CDADC1: variants seen among roughly 807,000 people sequenced by gnomAD.
The protein encoded by CDADC1 is cytidine and dCMP deaminase domain containing 1, also known as dCTP deaminase.
A neutral mutation model predicts 54.9 loss-of-function variants in CDADC1; 39 were observed. The ratio of observed to expected loss-of-function variants is 0.71; its 90% CI spans 0.55 to 0.93. The LOEUF (loss-of-function observed/expected upper bound fraction) is 0.93, where lower values mean the gene tolerates loss of function less well. Ranked by LOEUF, CDADC1 falls within the 40% of genes least tolerant of loss-of-function variation. CDADC1 has a pLI of 0.00. For missense variants in CDADC1, 518 were observed against 618.8 expected (o/e 0.84, Z 1.73); for synonymous variants, 186 against 204.0 (o/e 0.91, Z 0.75).
chr13:49,247,933 G>T lies in CDADC1; in HGVS notation c.-105G>T. The T allele has an allele frequency of 3.0e-6, 3 of 1,007,474 alleles. No individual in the cohort carries two copies. The highest frequency in any genetic ancestry group is 5.2e-5 in the East Asian group (2 of 38,118). 62.4% of individuals were successfully genotyped at this position (1,007,474 alleles called of 1,614,324 possible). On this transcript the variant is annotated 5_prime_UTR_variant, in exon 1 of 10. Coordinates refer to ENST00000251108, the MANE Select transcript of CDADC1 (RefSeq NM_030911.4). ...GTCATCTGGCTGCGCCTAGTGGGCC[G>T]TTGCCTTACAGTTGCTGAGAGGAGG...
At chr13:49,281,886 G>A (rs1458838403) in intron 8 of CDADC1, among the ~76,000 whole-genome samples, 1 of 151,424 alleles carries the variant, frequency 6.6e-6, no homozygotes, top group Non-Finnish European at 1.5e-5. Flanking sequence ...TCAGCCTCCC[G>A]GGTTCCAGCG....
chr13:49,263,297 T>C (rs940249513), intron 4 of CDADC1, among the ~76,000 whole-genome samples: 1 of 152,226 alleles, frequency 6.6e-6, no homozygotes, highest in Non-Finnish European at 1.5e-5. Context: ...ATATTCTCTA[T>C]TATGAGCCTG....
intron 4 of CDADC1, among the ~76,000 whole-genome samples, 190 bp from the exon 5 acceptor site, chr13:49,267,300 C>T (rs574622110): frequency 6.6e-6 from 1 of 152,128 alleles, no homozygotes; most frequent in Non-Finnish European, 1.5e-5. Context: ...TGTACAAAGA[C>T]TGGCAGTGGA....
chr13:49,287,206 AACAGT>A (rs761530210), intron 9 of CDADC1, among the ~76,000 whole-genome samples: 3 of 152,176 alleles, frequency 2.0e-5, no homozygotes, highest in Non-Finnish European at 2.9e-5. Context: ...ATAAAAATAA[AACAGT>A]AACTATATTA....
chr13:49,256,684 T>A (rs933152669), intron 3 of CDADC1, among the ~76,000 whole-genome samples: 11 of 152,246 alleles, frequency 7.2e-5, no homozygotes, highest in Non-Finnish European at 1.5e-5. Flanking sequence ...TCCTTTGAGT[T>A]TTCCAGAGGT....
At position 49,256,040 on chromosome 13, in the gene CDADC1, T is replaced by C; in HGVS notation, c.252+127T>C. On this transcript the variant is annotated intron_variant, in intron 3 of 9. Coordinates refer to ENST00000251108, the MANE Select transcript of CDADC1 (RefSeq NM_030911.4). ...TTTTAAAATACTCTTCTAAAAATGG[T>C]CTGTATATTTACAAGACTATATGTC... 3.0e-6 allele frequency: 4 copies of C among 1,338,868 alleles called. 1 individual carries two copies. In the South Asian group the frequency reaches 6.8e-5, roughly 23 times the overall value. The allele number at this position is 1,338,868 out of a possible 1,614,324, so 82.9% of individuals were successfully genotyped here.
chr13:49,291,591 G>GCC (rs143390986), intron 9 of CDADC1, 93 bp from the exon 10 acceptor site: 325,336 of 1,093,824 alleles, frequency 0.3, 50,389 homozygotes, highest in East Asian at 0.48. Flanking sequence ...TTTAACTTAA[G>GCC]CATTGTTTTG....
intron 5 of CDADC1, among the ~76,000 whole-genome samples, chr13:49,273,872 G>A (rs560984911): frequency 4.6e-5 from 7 of 152,284 alleles, no homozygotes; most frequent in African/African-American, 1.7e-4. Flanking sequence ...GACAAATTTG[G>A]TTGTTGTGAA....
intron 2 of CDADC1, among the ~76,000 whole-genome samples, chr13:49,251,473 C>CT (rs1045736372): frequency 6.7e-6 from 1 of 149,880 alleles, no homozygotes; most frequent in Non-Finnish European, 1.5e-5. Flanking sequence ...AAAAGGCGTT[C>CT]TTTTTTTTGT....
intron 1 of CDADC1, chr13:49,248,327 CCT>C (rs1566347757): frequency 1.1e-5 from 6 of 543,518 alleles, no homozygotes; most frequent in East Asian, 6.0e-5. Context: ...GCTTTTTACC[CCT>C]GTTAGCTACT....
At chr13:49,286,344 T>G (rs1953514673) in intron 9 of CDADC1, 62 bp downstream of exon 9, 1 of 1,186,822 alleles carries the variant, frequency 8.4e-7, no homozygotes, top group Admixed American at 1.8e-5. Flanking sequence ...CAGTGAATTT[T>G]AATGATCAGG....
chr13:49,264,332 G>T (rs1952760763), intron 4 of CDADC1, among the ~76,000 whole-genome samples: 1 of 152,090 alleles, frequency 6.6e-6, no homozygotes, highest in South Asian at 2.1e-4. Context: ...CAATTTCCAT[G>T]CCCTGATTTC....
chr13:49,288,050 T>A (rs1566380557), intron 9 of CDADC1, among the ~76,000 whole-genome samples: 1 of 151,858 alleles, frequency 6.6e-6, no homozygotes, highest in African/African-American at 2.4e-5. Flanking sequence ...TTGCCACTTA[T>A]AATCAACAAA....
At chr13:49,257,300 A>T (rs1271879197) in intron 3 of CDADC1, among the ~76,000 whole-genome samples, 1 of 152,184 alleles carries the variant, frequency 6.6e-6, no homozygotes, top group Non-Finnish European at 1.5e-5. Flanking sequence ...TTCTCACTTG[A>T]TAGGAACAAT....
intron 5 of CDADC1, among the ~76,000 whole-genome samples, chr13:49,270,082 T>C (rs1282621418): frequency 6.6e-6 from 1 of 152,198 alleles, no homozygotes; most frequent in African/African-American, 2.4e-5. Context: ...AGAAACCATG[T>C]CTTAATCATT....
At chr13:49,255,521 T>C (rs1952523194) in intron 2 of CDADC1, among the ~76,000 whole-genome samples, 1 of 152,358 alleles carries the variant, frequency 6.6e-6, no homozygotes. Flanking sequence ...TAGTCATTCA[T>C]GGCCACACTT....
intron 9 of CDADC1, among the ~76,000 whole-genome samples, chr13:49,290,998 C>T (rs570521803): frequency 4.6e-5 from 7 of 152,178 alleles, no homozygotes; most frequent in Non-Finnish European, 7.4e-5. Context: ...CAGATAAGTC[C>T]GTCTTCCTTC....
rs202201686 is a variant in CDADC1 at position 49,267,958 on chromosome 13, G to A, written c.899G>A (p.Arg300His). The change falls in exon 5 of 10, where the codon CGT (arginine) becomes CAT (histidine). Residue 300 changes from arginine to histidine, a missense_variant. Transcript: ENST00000251108. ...VPNFKHFGFYRSNPEQINEIH... is the reference protein window; with the variant it reads ...VPNFKHFGFYHSNPEQINEIH... ...AACTTTAAACACTTCGGATTTTACC[G>A]TAGCAATCCAGAACAGATTAATGAA... 101 of 1,613,936 alleles carry A rather than the reference G, an allele frequency of 6.3e-5. No individual in the cohort carries two copies. The highest frequency in any genetic ancestry group is 2.1e-4 in the African/African-American group (16 of 74,906).
At chr13:49,272,143 T>A (rs1006993268) in intron 5 of CDADC1, among the ~76,000 whole-genome samples, 7 of 152,176 alleles carry the variant, frequency 4.6e-5, no homozygotes, top group African/African-American at 1.7e-4. Context: ...AAACATAACA[T>A]TAAAAATATG....
Sources: gnomAD v4.1 joint callset for allele counts (sites outside exome capture counted in the v4.1 genomes callset) on GRCh38, gnomAD v4.1.1 for gene constraint, MANE v1.5 for transcripts, NCBI Gene and HGNC (gene_info 2026-07-23, HGNC 2026-07-21) for gene names.